RBMS3: variants seen among roughly 807,000 people sequenced by gnomAD.
RBMS3 encodes the protein RNA-binding motif, single-stranded-interacting protein 3.
Under a neutral mutation model 66.8 loss-of-function variants are expected in RBMS3, and 27 were observed. The ratio of observed to expected loss-of-function variants is 0.40; its 90% CI spans 0.30 to 0.56. RBMS3 has a LOEUF of 0.56. RBMS3 is among the 20% of genes least tolerant of loss of function. The probability of loss-of-function intolerance (pLI) is 0.40; values close to 1 mark genes in which losing one functional copy is unlikely to be tolerated. For synonymous variants in RBMS3, 188 were observed against 183.0 expected (o/e 1.03, Z -0.22); for missense variants, 513 against 549.5 (o/e 0.93, Z 0.66).
intron 6 of RBMS3, among the ~76,000 whole-genome samples, chr3:29,806,007 A>G (rs978718114): frequency 1.3e-5 from 2 of 151,952 alleles, no homozygotes; most frequent in African/African-American, 4.8e-5. Flanking sequence ...ACTTTGTAAC[A>G]TATTTTTGCT....
intron 6 of RBMS3, among the ~76,000 whole-genome samples, chr3:29,824,404 T>A (rs1231784456): frequency 2.0e-5 from 3 of 152,132 alleles, no homozygotes; most frequent in African/African-American, 2.4e-5. Flanking sequence ...TAAATTTCTG[T>A]TGTTTATAAG....
chr3:29,828,854 A>C (rs930047288), intron 6 of RBMS3, among the ~76,000 whole-genome samples: 1 of 152,202 alleles, frequency 6.6e-6, no homozygotes, highest in Non-Finnish European at 1.5e-5. Flanking sequence ...ATCAATTTGC[A>C]TACTTAAGCA....
intron 12 of RBMS3, among the ~76,000 whole-genome samples, chr3:29,962,380 C>A (rs1420679219): frequency 1.3e-5 from 2 of 151,766 alleles, no homozygotes; most frequent in Non-Finnish European, 2.9e-5. Context: ...CTAAAACCAG[C>A]ATGATAGCTC....
chr3:29,391,870 CAACCCATTG>C (rs2039312349), intron 1 of RBMS3, among the ~76,000 whole-genome samples: 1 of 152,148 alleles, frequency 6.6e-6, no homozygotes, highest in African/African-American at 2.4e-5. Flanking sequence ...CGATGACATG[CAACCCATTG>C]ACAATTAAAT....
chr3:29,807,223 A>G (rs1183240420), intron 6 of RBMS3, among the ~76,000 whole-genome samples: 1 of 151,970 alleles, frequency 6.6e-6, no homozygotes. Flanking sequence ...ACATTGCAAC[A>G]TGACAAAAAT....
At chr3:29,416,985 G>A (rs990874713) in intron 1 of RBMS3, among the ~76,000 whole-genome samples, 3 of 152,060 alleles carry the variant, frequency 2.0e-5, no homozygotes, top group Admixed American at 6.6e-5. Flanking sequence ...AGAAAAAAAA[G>A]TGCCTATCAG....
intron 3 of RBMS3, among the ~76,000 whole-genome samples, chr3:29,509,031 A>G (rs1485022013): frequency 6.8e-6 from 1 of 147,622 alleles, no homozygotes; most frequent in Non-Finnish European, 1.5e-5. Context: ...TCCTTTGCCC[A>G]CTTTTGATGG....
intron 1 of RBMS3, among the ~76,000 whole-genome samples, chr3:29,414,482 T>C (rs1024590571): frequency 3.3e-5 from 5 of 152,230 alleles, no homozygotes; most frequent in Admixed American, 3.3e-4. Context: ...AAATGCTTTT[T>C]CGTGAAACAT....
chr3:29,533,586 G>A (rs1307016102), intron 3 of RBMS3, among the ~76,000 whole-genome samples: 1 of 152,084 alleles, frequency 6.6e-6, no homozygotes, highest in Non-Finnish European at 1.5e-5. Context: ...GACCAGCCTG[G>A]CCAACATGGT....
At chr3:29,495,563 G>A (rs546842044) in intron 3 of RBMS3, among the ~76,000 whole-genome samples, 54 of 151,288 alleles carry the variant, frequency 3.6e-4, no homozygotes, top group South Asian at 2.7e-3. Context: ...TTACAGGTGC[G>A]CGCCACCATG....
chr3:29,657,234 A>G (rs1391123941), intron 4 of RBMS3, among the ~76,000 whole-genome samples: 1 of 152,194 alleles, frequency 6.6e-6, no homozygotes, highest in East Asian at 1.9e-4. Context: ...ATAATCTACC[A>G]GGTATATGGT....
chr3:29,435,408 A>G (rs2041363997), intron 2 of RBMS3, among the ~76,000 whole-genome samples: 2 of 152,180 alleles, frequency 1.3e-5, no homozygotes, highest in Admixed American at 1.3e-4. Flanking sequence ...CTAATCCTCT[A>G]GTTTCTTTGA....
intron 10 of RBMS3, among the ~76,000 whole-genome samples, chr3:29,913,883 TA>T (rs2060576513): frequency 6.6e-6 from 1 of 151,968 alleles, no homozygotes; most frequent in South Asian, 2.1e-4. Context: ...GATACATGTC[TA>T]AATACTCAGA....
chr3:29,545,258 A>G (rs1179325034), intron 3 of RBMS3, among the ~76,000 whole-genome samples: 1 of 152,166 alleles, frequency 6.6e-6, no homozygotes. Flanking sequence ...AACATTAAGT[A>G]TAATACTATT....
chr3:29,969,554 A>C (rs1697087653), intron 12 of RBMS3, among the ~76,000 whole-genome samples: 1 of 152,182 alleles, frequency 6.6e-6, no homozygotes, highest in Non-Finnish European at 1.5e-5. Context: ...ATAAGCTTAC[A>C]CTACACCATG....
At chr3:29,653,680 GT>G (rs1198490078) in intron 4 of RBMS3, among the ~76,000 whole-genome samples, 3 of 152,102 alleles carry the variant, frequency 2.0e-5, no homozygotes, top group Non-Finnish European at 4.4e-5. Flanking sequence ...GCCCATAAAA[GT>G]TGAAGTTTTT....
chr3:29,930,241 A>G (rs1211566802), intron 10 of RBMS3, among the ~76,000 whole-genome samples: 2 of 149,510 alleles, frequency 1.3e-5, no homozygotes, highest in African/African-American at 4.9e-5. Flanking sequence ...CCTCCGAAGT[A>G]GCTGGGACTA....
chr3:29,666,403 A>T (rs2050759932), intron 4 of RBMS3, among the ~76,000 whole-genome samples: 1 of 152,140 alleles, frequency 6.6e-6, no homozygotes, highest in African/African-American at 2.4e-5. Flanking sequence ...CCTAGGGAGG[A>T]CCCACTATAT....
At chr3:29,361,640 T>C (rs1434005167) in intron 1 of RBMS3, among the ~76,000 whole-genome samples, 2 of 152,210 alleles carry the variant, frequency 1.3e-5, no homozygotes, top group African/African-American at 2.4e-5. Context: ...TCTTGCAGAG[T>C]GTTTTCCAAC....
Sources: gnomAD v4.1 joint callset for allele counts (sites outside exome capture counted in the v4.1 genomes callset) on GRCh38, gnomAD v4.1.1 for gene constraint, MANE v1.5 for transcripts, NCBI Gene and HGNC (gene_info 2026-07-23, HGNC 2026-07-21) for gene names.